The following COL28A1 variants were observed in gnomAD, a reference collection of about 807,000 sequenced individuals.
COL28A1 encodes the protein collagen type XXVIII alpha 1 chain.
COL28A1 carries 161 observed loss-of-function variants against 150.2 expected under a neutral mutation model. The ratio of observed to expected loss-of-function variants is 1.07; its 90% CI spans 0.94 to 1.22. The LOEUF (loss-of-function observed/expected upper bound fraction) is 1.22. Among genes scored for constraint, COL28A1 ranks in the 50% most tolerant of loss-of-function variants. The probability of loss-of-function intolerance (pLI) is 0.00; values close to 1 mark genes in which losing one functional copy is unlikely to be tolerated. For missense variants in COL28A1, 1,617 were observed against 1,388.3 expected, an observed-to-expected ratio of 1.16 and a Z score of -2.62; for synonymous variants, 552 against 469.7, an observed-to-expected ratio of 1.18 and a Z score of -2.26.
At chr7:7,460,818 G>C (rs1787554353) in intron 15 of COL28A1, among the ~76,000 whole-genome samples, 1 of 152,180 alleles carries the variant, frequency 6.6e-6, no homozygotes, top group African/African-American at 2.4e-5. Flanking sequence ...ACAATAAATA[G>C]AAATAACCTA....
At chr7:7,395,307 C>G (rs1292966231) in intron 27 of COL28A1, among the ~76,000 whole-genome samples, 1 of 152,148 alleles carries the variant, frequency 6.6e-6, no homozygotes, top group East Asian at 1.9e-4. Flanking sequence ...AAAACACAAA[C>G]AAACCAGCTG....
intron 27 of COL28A1, among the ~76,000 whole-genome samples, chr7:7,400,348 T>C (rs933205198): frequency 6.6e-6 from 1 of 151,800 alleles, no homozygotes; most frequent in Non-Finnish European, 1.5e-5. Context: ...GGCCAAGCAA[T>C]AGAAAATAGG....
At position 7,535,844 on chromosome 7, in the gene COL28A1, T is replaced by A. The variant is rs1256915076; in HGVS notation, c.-132A>T. On this transcript the variant is annotated 5_prime_UTR_variant, in exon 1 of 35. Coordinates refer to ENST00000399429, the MANE Select transcript of COL28A1 (RefSeq NM_001037763.3). ...GGGTGAAGTTAGCTATTTGATATTG[T>A]TCTGTTCTGTGGGAAATAAAAGTGT... 2.0e-5 allele frequency: 3 copies of A among 152,208 alleles called. No individual in the cohort carries two copies. The highest frequency in any genetic ancestry group is 4.4e-5 in the Non-Finnish European group (3 of 68,036). The allele number at this position is 152,208 out of a possible 1,614,324, so 9.4% of individuals were successfully genotyped here. A position where few individuals can be genotyped will look rare whatever the true frequency, so the allele number is the denominator to read the frequency against.
Position 7,373,301 on chromosome 7 carries a change from G to A in COL28A1, c.2605C>T (p.Gln869Ter). Reference protein sequence around the residue: ...DDFKLAVDNMQYLGEGTYTAT... With the variant: ...DDFKLAVDNM ...GTGTATGTGCCTTCCCCCAGATACTGCATGTTGTCCACAGCCAACTTGAAG... is the reference window on the plus strand; with the variant it reads ...GTGTATGTGCCTTCCCCCAGATACTACATGTTGTCCACAGCCAACTTGAAG... Residue 869 changes from glutamine to a stop codon, truncating the protein, a stop_gained, in exon 32 of 35, where the codon CAG (glutamine) becomes TAG (stop). Transcript: ENST00000399429. LOFTEE classifies it high-confidence loss of function. This position sits in a 1 kb window ranked among gnomAD's most constrained non-coding sequence, Gnocchi z 4.1. The A allele has an allele frequency of 6.2e-7, 1 of 1,614,116 alleles. No individual in the cohort carries two copies. Among genetic ancestry groups the A allele is most frequent in the East Asian group, 2.2e-5 (1 of 44,878 alleles).
chr7:7,350,698 G>A, the COL28A1 span, among the ~76,000 whole-genome samples: 1 of 134,918 alleles, frequency 7.4e-6, no homozygotes, highest in East Asian at 2.2e-4. Context: ...GCAAGTCTCA[G>A]CAGTGATTTA....
chr7:7,412,392 G>A (rs899990014), intron 27 of COL28A1, among the ~76,000 whole-genome samples: 3 of 152,086 alleles, frequency 2.0e-5, no homozygotes, highest in Non-Finnish European at 4.4e-5. Flanking sequence ...TTATACATTT[G>A]GGTGTCTGTT....
At chr7:7,383,247 T>C (rs554478025) in intron 27 of COL28A1, among the ~76,000 whole-genome samples, 2 of 140,676 alleles carry the variant, frequency 1.4e-5, no homozygotes, top group African/African-American at 2.8e-5. Context: ...CATCTTTTTT[T>C]TGTTGTGTGT....
At chr7:7,393,718 C>T (rs376760035) in intron 27 of COL28A1, among the ~76,000 whole-genome samples, 1 of 152,150 alleles carries the variant, frequency 6.6e-6, no homozygotes. Flanking sequence ...GGATTCCACC[C>T]AATTGGGACT....
the COL28A1 span, among the ~76,000 whole-genome samples, chr7:7,349,910 C>T: frequency 6.6e-5 from 10 of 152,066 alleles, no homozygotes; most frequent in East Asian, 1.9e-3. Context: ...ATGAATAGTG[C>T]TCTCAAAAAG....
chr7:7,394,690 G>A (rs1211827320), intron 27 of COL28A1, among the ~76,000 whole-genome samples: 1 of 151,740 alleles, frequency 6.6e-6, no homozygotes, highest in Non-Finnish European at 1.5e-5. Flanking sequence ...CCGAGACTGT[G>A]AATTCTATCT....
chr7:7,464,211 G>T (rs901210824), intron 15 of COL28A1, among the ~76,000 whole-genome samples: 10 of 152,068 alleles, frequency 6.6e-5, no homozygotes. Context: ...CACAATAATA[G>T]TGGGGCACTT....
At chr7:7,390,644 C>G (rs1337793703) in intron 27 of COL28A1, among the ~76,000 whole-genome samples, 1 of 152,068 alleles carries the variant, frequency 6.6e-6, no homozygotes, top group Non-Finnish European at 1.5e-5. Flanking sequence ...GCTTGGTAGG[C>G]TATTAATTAC....
chr7:7,380,096 G>A (rs891741564), intron 30 of COL28A1, among the ~76,000 whole-genome samples: 9 of 152,152 alleles, frequency 5.9e-5, no homozygotes, highest in Non-Finnish European at 1.2e-4. Context: ...AAGCAGAAAG[G>A]AAGAATGAGA....
intron 7 of COL28A1, among the ~76,000 whole-genome samples, chr7:7,516,056 T>G (rs960443311): frequency 4.6e-5 from 7 of 152,258 alleles, no homozygotes; most frequent in African/African-American, 1.4e-4. Flanking sequence ...CTTTATCACA[T>G]TTTATTCTCA....
upstream of COL28A1, among the ~76,000 whole-genome samples, chr7:7,538,367 T>C (rs1019241685): frequency 2.0e-5 from 3 of 152,174 alleles, no homozygotes; most frequent in South Asian, 2.1e-4. Flanking sequence ...AAAGTCTTTA[T>C]GGAAGAAATA....
intron 27 of COL28A1, among the ~76,000 whole-genome samples, chr7:7,412,475 T>A (rs1012804194): frequency 6.6e-6 from 1 of 152,062 alleles, no homozygotes; most frequent in Non-Finnish European, 1.5e-5. Flanking sequence ...ATCACTTGAG[T>A]ATTAGAATTC....
intron 14 of COL28A1, among the ~76,000 whole-genome samples, chr7:7,475,730 C>G (rs1788813633): frequency 6.6e-6 from 1 of 152,094 alleles, no homozygotes; most frequent in Non-Finnish European, 1.5e-5. Context: ...TTGGGCTACA[C>G]ATAAATAGAA....
intron 3 of COL28A1, among the ~76,000 whole-genome samples, chr7:7,527,940 G>C (rs1337878324): frequency 6.6e-6 from 1 of 152,016 alleles, no homozygotes; most frequent in Non-Finnish European, 1.5e-5. Context: ...ACTTAAAATG[G>C]TAGCAAAATG....
chr7:7,358,894 T>TTTATTCTTCATGCACACTAAAGAATAAAC, intron 34 of COL28A1, 89 bp from the exon 35 acceptor site: 1 of 1,113,428 alleles, frequency 9.0e-7, no homozygotes, highest in Non-Finnish European at 1.3e-6. Context: ...ATAAATAAAC[T>TTTATTCTTCATGCACACTAAAGAATAAAC]TTATTCTTCA....
Sources: gnomAD v4.1 joint callset for allele counts (sites outside exome capture counted in the v4.1 genomes callset) on GRCh38, gnomAD v4.1.1 for gene constraint, Gnocchi (gnomAD v3.1) non-coding constraint, MANE v1.5 for transcripts, NCBI Gene and HGNC (gene_info 2026-07-23, HGNC 2026-07-21) for gene names.